Variants in IL17RB observed in about 807,000 individuals in gnomAD.
The protein encoded by IL17RB is interleukin 17 receptor B, also known as interleukin-17 receptor B.
IL17RB carries 36 observed loss-of-function variants against 43.9 expected under a neutral mutation model. That is an observed-to-expected ratio of 0.82 (90% CI 0.63 to 1.08). The LOEUF (loss-of-function observed/expected upper bound fraction) is 1.08. IL17RB is among the 50% of genes least tolerant of loss of function. IL17RB has a pLI of 0.00. For missense variants in IL17RB, 613 were observed against 613.6 expected, an observed-to-expected ratio of 1.00 and a Z score of 0.01; for synonymous variants, 225 against 225.4, an observed-to-expected ratio of 1.00 and a Z score of 0.02.
intron 8 of IL17RB, chr3:53,858,059 C>G: frequency 4.2e-6 from 1 of 237,008 alleles, no homozygotes; most frequent in Non-Finnish European, 8.5e-6. Flanking sequence ...CGTATGAACT[C>G]TGGAGAGGGG....
chr3:53,864,934 G>GT lies in IL17RB; in HGVS notation c.1136dup (p.Gln380AlafsTer20). On this transcript the variant is annotated frameshift_variant, in exon 11 of 11. Transcript: ENST00000288167. LOFTEE classifies it low-confidence loss of function (END_TRUNC). ...AAAGAAAATAGCAGAGATGGGTCCA[G>GT]TGCAGTGGCTTGCCACTCAAAAGAA... The GT allele has an allele frequency of 1.2e-6, 2 of 1,614,198 alleles. No individual in the cohort carries two copies. Among genetic ancestry groups the GT allele is most frequent in the Non-Finnish European group, 1.7e-6 (2 of 1,180,018 alleles).
At position 53,851,992 on chromosome 3, in the gene IL17RB, T is replaced by C; in HGVS notation, c.227-7T>C. 1 of 1,614,014 alleles carries C rather than the reference T, an allele frequency of 6.2e-7. No individual in the cohort carries two copies. Among genetic ancestry groups the C allele is most frequent in the Non-Finnish European group, 8.5e-7 (1 of 1,179,988 alleles). On this transcript the variant is annotated splice_polypyrimidine_tract_variant and splice_region_variant and intron_variant, in intron 3 of 10. Transcript: ENST00000288167. Reference sequence around the variant, plus strand: ...ATAAACCAATGTCCTCTTGCCTATCTCGGCAGCCAGCATCCGCTTGTTGAA... The same window carrying C: ...ATAAACCAATGTCCTCTTGCCTATCCCGGCAGCCAGCATCCGCTTGTTGAA...
chr3:53,856,818 C>T, intron 6 of IL17RB, 26 bp from the exon 7 acceptor site: 1 of 1,613,522 alleles, frequency 6.2e-7, no homozygotes, highest in Non-Finnish European at 8.5e-7. Context: ...GCAAGTTCAT[C>T]TACATGGTTC....
At position 53,856,963 on chromosome 3, in the gene IL17RB, A is replaced by G. The variant is rs368110208; in HGVS notation, c.649A>G (p.Ile217Val). Reference sequence around the variant, plus strand: ...GGCTCTTATCCAACACAGCACTATCATCGGGTTTTCTCAGGTGTTTGAGGT... The same window carrying G: ...GGCTCTTATCCAACACAGCACTATCGTCGGGTTTTCTCAGGTGTTTGAGGT... ...YMALIQHSTI[I>V]GFSQVFEPHQ... Residue 217 changes from isoleucine to valine, a missense_variant, in exon 7 of 11, where the codon ATC becomes GTC. Transcript: ENST00000288167. 16 of 1,613,972 alleles carry G rather than the reference A, an allele frequency of 9.9e-6. No homozygotes were observed. In the African/African-American group the frequency reaches 1.6e-4, roughly 16 times the overall value.
At chr3:53,853,327 T>G (rs1415497405) in intron 5 of IL17RB, among the ~76,000 whole-genome samples, 1 of 152,216 alleles carries the variant, frequency 6.6e-6, no homozygotes, top group Non-Finnish European at 1.5e-5. Flanking sequence ...TAAGTCACTT[T>G]CCCTGGGTTA....
intron 3 of IL17RB, among the ~76,000 whole-genome samples, chr3:53,851,058 A>T (rs1455229106): frequency 6.6e-6 from 1 of 152,194 alleles, no homozygotes; most frequent in Non-Finnish European, 1.5e-5. Flanking sequence ...TGGCTTAGAT[A>T]GATTACTTTT....
chr3:53,864,674 C>A, intron 10 of IL17RB, 72 bp from the exon 11 acceptor site: 1 of 1,144,916 alleles, frequency 8.7e-7, no homozygotes, highest in Non-Finnish European at 1.2e-6. Flanking sequence ...GATCATTTGT[C>A]AGGGATGGTT....
intron 2 of IL17RB, among the ~76,000 whole-genome samples, 188 bp downstream of exon 2, chr3:53,848,876 G>C (rs2276839): frequency 0.24 from 36,951 of 152,156 alleles, 4,968 homozygotes; most frequent in Non-Finnish European, 0.3. Flanking sequence ...GAATGAGGCC[G>C]TGTTTCAGAC....
At chr3:53,857,475 C>T (rs1033736685) in intron 7 of IL17RB, 141 bp from the exon 8 acceptor site, 5 of 704,576 alleles carry the variant, frequency 7.1e-6, no homozygotes, top group South Asian at 3.2e-5. Context: ...TTAGTAGAGA[C>T]GGTTTCGCCA....
At chr3:53,863,535 ATTC>A (rs1466670682) in intron 10 of IL17RB, among the ~76,000 whole-genome samples, 2 of 152,244 alleles carry the variant, frequency 1.3e-5, no homozygotes, top group African/African-American at 4.8e-5. Context: ...GACCTCAGGA[ATTC>A]TTACATTTAG....
At chr3:53,850,324 C>T (rs568203150) in intron 3 of IL17RB, among the ~76,000 whole-genome samples, 14 of 151,300 alleles carry the variant, frequency 9.3e-5, no homozygotes, top group African/African-American at 3.2e-4. Context: ...TGGCAAAACC[C>T]CATCTCTACT....
At position 53,851,988 on chromosome 3, in the gene IL17RB, T is replaced by G. The variant is rs1699166199; in HGVS notation, c.227-11T>G. 1 of 1,613,962 alleles carries G rather than the reference T, an allele frequency of 6.2e-7. No individual in the cohort carries two copies. The highest frequency in any genetic ancestry group is 8.5e-7 in the Non-Finnish European group (1 of 1,179,984). On this transcript the variant is annotated splice_polypyrimidine_tract_variant and intron_variant, in intron 3 of 10. Coordinates refer to ENST00000288167, the MANE Select transcript of IL17RB (RefSeq NM_018725.4). ...CTAAATAAACCAATGTCCTCTTGCC[T>G]ATCTCGGCAGCCAGCATCCGCTTGT...
chr3:53,855,164 C>A, intron 5 of IL17RB, 130 bp from the exon 6 acceptor site: 2 of 427,788 alleles, frequency 4.7e-6, no homozygotes, highest in South Asian at 4.7e-5. Flanking sequence ...TTGAATTTGC[C>A]ATCTTACATC....
chr3:53,864,970 A>G lies in IL17RB; in HGVS notation c.1171A>G (p.Lys391Glu), dbSNP rs978342154. 15 of 1,614,084 alleles carry G rather than the reference A, an allele frequency of 9.3e-6. No individual in the cohort carries two copies. In the Admixed American group the frequency reaches 2.5e-4, roughly 27 times the overall value. The change falls in exon 11 of 11, where the codon AAA (lysine) becomes GAA (glutamate). Residue 391 changes from lysine (K) to glutamate (E), a missense_variant. By Grantham distance (56) the Lys-to-Glu change is moderately conservative. Coordinates refer to ENST00000288167, the MANE Select transcript of IL17RB (RefSeq NM_018725.4). ...WLATQKKAADKVVFLLSNDVN... is the reference protein window; with the variant it reads ...WLATQKKAADEVVFLLSNDVN... Reference sequence around the variant, plus strand: ...TGCCACTCAAAAGAAGGCAGCAGACAAAGTCGTCTTCCTTCTTTCCAATGA... The same window carrying G: ...TGCCACTCAAAAGAAGGCAGCAGACGAAGTCGTCTTCCTTCTTTCCAATGA...
At chr3:53,860,336 T>C in intron 10 of IL17RB, 108 bp downstream of exon 10, 1 of 803,122 alleles carries the variant, frequency 1.2e-6, no homozygotes, top group Non-Finnish European at 2.0e-6. Context: ...TTTCCCAGAG[T>C]TAGATAGCAT....
At chr3:53,855,213 T>C (rs1699288529) in intron 5 of IL17RB, 81 bp from the exon 6 acceptor site, 1 of 824,896 alleles carries the variant, frequency 1.2e-6, no homozygotes, top group Non-Finnish European at 2.1e-6. Flanking sequence ...GTGGTATGCG[T>C]ATGTGTGTGT....
In IL17RB at chr3:53,863,016, TGAC is replaced by T. The variant is rs369204806; in HGVS notation, c.947-1729_947-1727del. Among the ~76,000 whole-genome samples, 213 of 152,316 alleles carry T rather than the reference TGAC, an allele frequency of 1.4e-3. 2 individuals are homozygous for T. Among genetic ancestry groups the T allele is most frequent in the African/African-American group, 4.9e-3 (205 of 41,566 alleles). On this transcript the variant is annotated intron_variant, in intron 10 of 10. Coordinates refer to ENST00000288167, the MANE Select transcript of IL17RB (RefSeq NM_018725.4). The stretch of plus-strand genomic sequence containing the variant: ...CTCGTCAGCCTACTCAACAAGATGA[TGAC>T]AAGAATAAAGACCTTTCTGATGGTC...
intron 1 of IL17RB, 95 bp downstream of exon 1, chr3:53,846,743 G>A (rs533164298): frequency 3.4e-5 from 45 of 1,327,196 alleles, no homozygotes; most frequent in Non-Finnish European, 4.5e-5. Flanking sequence ...CCCCGAAGGC[G>A]TGCGCGGACT....
In IL17RB at chr3:53,856,902, G is replaced by A. The variant is rs1699353014; in HGVS notation, c.588G>A (p.Val196=). The part of the protein sequence containing the change: ...ACKKNEETVE[V]NFTTTPLGNR... ...AGAAGAATGAGGAGACAGTAGAAGTGAACTTCACAACCACTCCCCTGGGAA... is the reference window on the plus strand; with the variant it reads ...AGAAGAATGAGGAGACAGTAGAAGTAAACTTCACAACCACTCCCCTGGGAA... The change falls in exon 7 of 11, where the codon GTG becomes GTA. Residue 196 remains valine (V), a synonymous_variant. Transcript: ENST00000288167. The A allele has an allele frequency of 3.7e-6, 6 of 1,614,034 alleles. No individual in the cohort carries two copies. In the Admixed American group the frequency reaches 1.0e-4, roughly 27 times the overall value.
Sources: allele counts gnomAD v4.1 joint callset (sites outside exome capture counted in the v4.1 genomes callset), GRCh38; gene constraint gnomAD v4.1.1; transcripts MANE v1.5; gene names NCBI Gene and HGNC (gene_info 2026-07-23, HGNC 2026-07-21).